Variants in OPCML observed in about 807,000 individuals in gnomAD.
OPCML encodes opioid-binding protein/cell adhesion molecule.
Under a neutral mutation model 37.8 loss-of-function variants are expected in OPCML, and 13 were observed. The ratio of observed to expected loss-of-function variants is 0.34; its 90% CI spans 0.22 to 0.55. The LOEUF (loss-of-function observed/expected upper bound fraction) is 0.55, where lower values mean the gene tolerates loss of function less well. Among genes scored for constraint, OPCML ranks in the 20% least tolerant of loss-of-function variants. The pLI is 0.91. For synonymous variants in OPCML, 176 were observed against 168.8 expected (o/e 1.04, Z -0.33); for missense variants, 341 against 435.6 (o/e 0.78, Z 1.93).
intron 1 of OPCML, among the ~76,000 whole-genome samples, chr11:133,121,211 T>TA (rs1949415363): frequency 6.6e-6 from 1 of 152,050 alleles, no homozygotes; most frequent in Non-Finnish European, 1.5e-5. Context: ...GAGCCACTGT[T>TA]CTTGGCCTCC....
At chr11:132,603,630 A>T (rs1938076052) in intron 3 of OPCML, among the ~76,000 whole-genome samples, 1 of 152,214 alleles carries the variant, frequency 6.6e-6, no homozygotes, top group African/African-American at 2.4e-5. Flanking sequence ...GCCCAGCTTA[A>T]AAACCTTTTG....
intron 2 of OPCML, among the ~76,000 whole-genome samples, chr11:132,682,470 T>C (rs1942990782): frequency 6.6e-6 from 1 of 152,210 alleles, no homozygotes. Context: ...GGCCAGCCTC[T>C]TTCAAACCCT....
intron 1 of OPCML, among the ~76,000 whole-genome samples, chr11:133,064,537 G>C (rs12361143): frequency 0.7 from 105,803 of 152,180 alleles, 37,189 homozygotes; most frequent in Admixed American, 0.78. Context: ...CCGCTGCAGG[G>C]CCACCTTGTG....
intron 2 of OPCML, among the ~76,000 whole-genome samples, chr11:132,758,270 T>C (rs959486565): frequency 5.3e-5 from 8 of 152,218 alleles, no homozygotes; most frequent in Non-Finnish European, 1.0e-4. Context: ...TTGCTTAGGA[T>C]TGTCTTGGCT....
chr11:132,438,006 A>G (rs993843245), intron 4 of OPCML, among the ~76,000 whole-genome samples: 3 of 152,222 alleles, frequency 2.0e-5, no homozygotes, highest in African/African-American at 7.2e-5. Context: ...ATAGCCCCAA[A>G]TGCTGGATCT....
rs1339863006 is a variant in OPCML, at chr11:132,418,859, C to T, written c.*1334G>A. ...TGAAGGGTTGAGAGAAGCATAAAGG[C>T]TGGCACCTTTGTCCTTCAAGTGCAA... is the stretch of plus-strand genomic sequence containing the variant. On this transcript the variant is annotated 3_prime_UTR_variant, in exon 8 of 8. Transcript: ENST00000524381. 6.6e-6 allele frequency: 1 copy of T among 152,666 alleles called. No homozygotes were observed. The highest frequency in any genetic ancestry group is 1.5e-5 in the Non-Finnish European group (1 of 68,056). 9.5% of individuals were successfully genotyped at this position (152,666 alleles called of 1,614,324 possible). A position where few individuals can be genotyped will look rare whatever the true frequency, so the allele number is the denominator to read the frequency against.
chr11:133,131,312 G>A (rs561499304), intron 1 of OPCML, among the ~76,000 whole-genome samples: 35 of 152,176 alleles, frequency 2.3e-4, no homozygotes, highest in African/African-American at 7.0e-4. Context: ...CAGACCTTAC[G>A]TCTTTCCCCA....
chr11:133,412,284 T>C (rs891715984), intron 1 of OPCML, among the ~76,000 whole-genome samples: 1 of 152,194 alleles, frequency 6.6e-6, no homozygotes, highest in African/African-American at 2.4e-5. Flanking sequence ...AGCACAGCTG[T>C]CCCACAGTGA....
At chr11:132,484,734 A>G (rs1358210443) in intron 4 of OPCML, among the ~76,000 whole-genome samples, 2 of 152,200 alleles carry the variant, frequency 1.3e-5, no homozygotes, top group African/African-American at 4.8e-5. Flanking sequence ...AATACTATGC[A>G]GCCATAAAAA....
chr11:132,725,449 T>C (rs1354904246), intron 2 of OPCML, among the ~76,000 whole-genome samples: 1 of 152,150 alleles, frequency 6.6e-6, no homozygotes, highest in Non-Finnish European at 1.5e-5. Context: ...TCTGGGACTG[T>C]AATGGGAGGG....
intron 2 of OPCML, among the ~76,000 whole-genome samples, chr11:132,872,369 G>T (rs940767667): frequency 6.6e-6 from 1 of 152,036 alleles, no homozygotes; most frequent in African/African-American, 2.4e-5. Context: ...CAGATCTGGC[G>T]TGCTGCCAAA....
intron 4 of OPCML, among the ~76,000 whole-genome samples, chr11:132,438,240 C>A (rs1410297385): frequency 1.3e-5 from 2 of 152,166 alleles, no homozygotes; most frequent in South Asian, 4.2e-4. Context: ...GACAACAGAC[C>A]CTCTGTCTTC....
At chr11:132,777,030 C>T (rs1039849542) in intron 2 of OPCML, among the ~76,000 whole-genome samples, 2 of 152,128 alleles carry the variant, frequency 1.3e-5, no homozygotes, top group African/African-American at 4.8e-5. Flanking sequence ...GAAGGCTTCC[C>T]ACACTACCCT....
intron 1 of OPCML, among the ~76,000 whole-genome samples, chr11:133,168,988 G>T (rs1433976895): frequency 1.3e-5 from 2 of 152,094 alleles, no homozygotes; most frequent in Non-Finnish European, 2.9e-5. Flanking sequence ...AAGCTAGCTG[G>T]GTGTGGTGGT....
At chr11:132,730,142 A>T (rs1441054182) in intron 2 of OPCML, among the ~76,000 whole-genome samples, 1 of 151,130 alleles carries the variant, frequency 6.6e-6, no homozygotes, top group Non-Finnish European at 1.5e-5. Context: ...CCTCCCGAGT[A>T]GCTGGGATTA....
intron 2 of OPCML, among the ~76,000 whole-genome samples, chr11:132,687,903 T>C (rs1354368620): frequency 6.6e-6 from 1 of 152,188 alleles, no homozygotes; most frequent in Non-Finnish European, 1.5e-5. Flanking sequence ...GATATTCCAC[T>C]AATTTGCTTT....
chr11:132,449,785 C>T (rs2096064091), intron 4 of OPCML, among the ~76,000 whole-genome samples: 1 of 152,170 alleles, frequency 6.6e-6, no homozygotes, highest in African/African-American at 2.4e-5. Flanking sequence ...CATCCAGCCT[C>T]GGTTTCTTTA....
chr11:133,024,650 A>G (rs1420287120), intron 1 of OPCML: 1 of 896,930 alleles, frequency 1.1e-6, no homozygotes, highest in East Asian at 1.2e-4. Flanking sequence ...TCCCTGGACA[A>G]TTTTGACAGT....
At chr11:132,426,124 T>C (rs903916935) in intron 7 of OPCML, among the ~76,000 whole-genome samples, 4 of 152,090 alleles carry the variant, frequency 2.6e-5, no homozygotes, top group Admixed American at 2.6e-4. Context: ...AGCCACAAAA[T>C]AAACTGAGTG....
Sources: gnomAD v4.1 joint callset for allele counts (sites outside exome capture counted in the v4.1 genomes callset) on GRCh38, gnomAD v4.1.1 for gene constraint, MANE v1.5 for transcripts, NCBI Gene and HGNC (gene_info 2026-07-23, HGNC 2026-07-21) for gene names.